Variants in SPAG16 observed in about 807,000 individuals in gnomAD.
The protein encoded by SPAG16 is sperm associated antigen 16.
SPAG16 carries 86 observed loss-of-function variants against 80.4 expected under a neutral mutation model. That is an observed-to-expected ratio of 1.07 (90% confidence interval 0.90 to 1.28). The LOEUF (loss-of-function observed/expected upper bound fraction) is 1.28. SPAG16 is among the 50% of genes most tolerant of loss of function. The probability of loss-of-function intolerance (pLI) is 0.00; values close to 1 mark genes in which losing one functional copy is unlikely to be tolerated. For missense variants in SPAG16, 870 were observed against 765.3 expected (o/e 1.14, Z -1.61); for synonymous variants, 294 against 265.9 (o/e 1.11, Z -1.03).
At chr2:213,920,301 A>G (rs1009883480) in intron 11 of SPAG16, among the ~76,000 whole-genome samples, 4 of 152,192 alleles carry the variant, frequency 2.6e-5, no homozygotes, top group African/African-American at 9.7e-5. Flanking sequence ...TATTGTTGAT[A>G]TGTGTGAATG....
At chr2:214,122,746 G>A (rs896989288) in intron 14 of SPAG16, among the ~76,000 whole-genome samples, 2 of 151,790 alleles carry the variant, frequency 1.3e-5, no homozygotes, top group African/African-American at 2.4e-5. Flanking sequence ...GATATTTGAT[G>A]TCAGTTCTTA....
At chr2:214,161,276 T>A (rs759534939) in intron 15 of SPAG16, among the ~76,000 whole-genome samples, 1 of 152,170 alleles carries the variant, frequency 6.6e-6, no homozygotes, top group Non-Finnish European at 1.5e-5. Context: ...TATATATGTA[T>A]CTTTGTAATA....
At chr2:213,393,873 CAT>C (rs1342997062) in intron 9 of SPAG16, among the ~76,000 whole-genome samples, 1 of 151,972 alleles carries the variant, frequency 6.6e-6, no homozygotes, top group African/African-American at 2.4e-5. Context: ...TGTTCTTTTT[CAT>C]ATGTTAGCTT....
intron 15 of SPAG16, among the ~76,000 whole-genome samples, chr2:214,166,871 A>C (rs2056676978): frequency 1.3e-5 from 2 of 152,174 alleles, no homozygotes; most frequent in Non-Finnish European, 2.9e-5. Flanking sequence ...AAGAGAAAAA[A>C]TGAAAATAAA....
At chr2:213,833,499 AT>A (rs1343383183) in intron 10 of SPAG16, among the ~76,000 whole-genome samples, 5 of 4,818 alleles carry the variant, frequency 1.0e-3, no homozygotes, top group Non-Finnish European at 1.4e-3. Context: ...TATATAATAT[AT>A]ATATTATATA....
intron 11 of SPAG16, among the ~76,000 whole-genome samples, chr2:213,920,559 G>A (rs894418501): frequency 2.6e-5 from 4 of 152,154 alleles, no homozygotes; most frequent in Admixed American, 2.6e-4. Flanking sequence ...CTGCCCCATT[G>A]GACCTCTCTG....
intron 10 of SPAG16, among the ~76,000 whole-genome samples, chr2:213,644,142 C>T (rs1288099802): frequency 2.6e-5 from 4 of 151,430 alleles, no homozygotes; most frequent in Admixed American, 2.0e-4. Context: ...CTGATGCACC[C>T]TTCAGTATGC....
At position 213,517,131 on chromosome 2, in the gene SPAG16, A is replaced by C. The variant is rs552201571; in HGVS notation, c.1070+27041A>C. ...TAGGAAGATTTCAGGACCCAAAATCATACAAAAATTGGTAGTATTTCTATA... is the reference window on the plus strand; with the variant it reads ...TAGGAAGATTTCAGGACCCAAAATCCTACAAAAATTGGTAGTATTTCTATA... On this transcript the variant is annotated intron_variant, in intron 10 of 15. Coordinates refer to ENST00000331683, the MANE Select transcript of SPAG16 (RefSeq NM_024532.5). 7.9e-5 allele frequency among the ~76,000 whole-genome samples: 12 copies of C among 152,074 alleles called. No individual in the cohort carries two copies. In the East Asian group the frequency reaches 1.9e-3, roughly 24 times the overall value.
intron 15 of SPAG16, among the ~76,000 whole-genome samples, chr2:214,265,926 G>T (rs1272919447): frequency 2.0e-5 from 3 of 151,714 alleles, no homozygotes; most frequent in Admixed American, 6.6e-5. Flanking sequence ...CCCTAGCATT[G>T]CCATTATCTA....
chr2:214,150,302 C>T (rs2055914215), intron 15 of SPAG16, among the ~76,000 whole-genome samples: 3 of 151,926 alleles, frequency 2.0e-5, no homozygotes, highest in African/African-American at 4.8e-5. Context: ...AGTTTGTCTT[C>T]TTAACAAACT....
intron 12 of SPAG16, among the ~76,000 whole-genome samples, chr2:214,001,860 C>A (rs1403241728): frequency 6.6e-6 from 1 of 151,970 alleles, no homozygotes; most frequent in Non-Finnish European, 1.5e-5. Context: ...AGAGTTTGTG[C>A]GTATTAGTCC....
chr2:213,431,507 GAAAA>G (rs577900186), intron 9 of SPAG16, among the ~76,000 whole-genome samples: 2 of 150,806 alleles, frequency 1.3e-5, no homozygotes, highest in African/African-American at 4.9e-5. Context: ...TAAAAAAAAA[GAAAA>G]AGTCATTATA....
At chr2:214,311,264 G>C (rs1156500987) in intron 15 of SPAG16, among the ~76,000 whole-genome samples, 1 of 152,034 alleles carries the variant, frequency 6.6e-6, no homozygotes, top group African/African-American at 2.4e-5. Context: ...AGCTCCCCAG[G>C]GACCTGATGG....
intron 10 of SPAG16, among the ~76,000 whole-genome samples, chr2:213,614,893 C>T (rs2061544878): frequency 6.6e-6 from 1 of 152,162 alleles, no homozygotes; most frequent in Admixed American, 6.5e-5. Context: ...TAACATTTTA[C>T]CCAATGATGG....
intron 15 of SPAG16, among the ~76,000 whole-genome samples, chr2:214,401,673 C>G (rs1701715943): frequency 6.6e-6 from 1 of 151,754 alleles, no homozygotes; most frequent in Admixed American, 6.6e-5. Flanking sequence ...TTTGAGTTTG[C>G]TTCTATTTCT....
intron 5 of SPAG16, among the ~76,000 whole-genome samples, chr2:213,332,789 A>G (rs1358805031): frequency 1.3e-5 from 2 of 152,192 alleles, no homozygotes; most frequent in Non-Finnish European, 2.9e-5. Context: ...GTTCATTTCA[A>G]TTCATGCTGA....
chr2:213,841,099 T>C (rs969327725), intron 10 of SPAG16, among the ~76,000 whole-genome samples: 1 of 152,142 alleles, frequency 6.6e-6, no homozygotes, highest in Non-Finnish European at 1.5e-5. Flanking sequence ...GGACATTTGT[T>C]GTTATTATAG....
At chr2:214,158,749 A>G (rs1470118928) in intron 15 of SPAG16, among the ~76,000 whole-genome samples, 1 of 152,020 alleles carries the variant, frequency 6.6e-6, no homozygotes, top group Non-Finnish European at 1.5e-5. Context: ...TTGTAATAAT[A>G]TAATTGGAAC....
chr2:213,925,517 A>G (rs1281459789), intron 11 of SPAG16, among the ~76,000 whole-genome samples: 1 of 151,970 alleles, frequency 6.6e-6, no homozygotes, highest in Non-Finnish European at 1.5e-5. Context: ...CTATCCGGCT[A>G]ATTTTTGTAT....
Sources: gnomAD v4.1 joint callset for allele counts (sites outside exome capture counted in the v4.1 genomes callset) on GRCh38, gnomAD v4.1.1 for gene constraint, MANE v1.5 for transcripts, NCBI Gene and HGNC (gene_info 2026-07-23, HGNC 2026-07-21) for gene names.